Variants in CDH4 observed in about 807,000 individuals in gnomAD.
The protein encoded by CDH4 is cadherin-4.
A neutral mutation model predicts 86.0 loss-of-function variants in CDH4; 33 were observed. That is an observed-to-expected ratio of 0.38 (90% confidence interval 0.29 to 0.51). The LOEUF (loss-of-function observed/expected upper bound fraction) is 0.51, where lower values mean the gene tolerates loss of function less well. Among genes scored for constraint, CDH4 ranks in the 20% least tolerant of loss-of-function variants. The pLI is 0.86. For missense variants in CDH4, 1,114 were observed against 1,307.4 expected, an observed-to-expected ratio of 0.85 and a Z score of 2.28; for synonymous variants, 555 against 549.4, an observed-to-expected ratio of 1.01 and a Z score of -0.14.
At chr20:61,883,735 G>A (rs960178585) in intron 7 of CDH4, among the ~76,000 whole-genome samples, 1 of 152,178 alleles carries the variant, frequency 6.6e-6, no homozygotes, top group Non-Finnish European at 1.5e-5. Flanking sequence ...GCCCCAGGGA[G>A]GAGCCCCCAG....
chr20:61,256,022 G>C (rs182069737), intron 2 of CDH4, among the ~76,000 whole-genome samples: 1 of 152,104 alleles, frequency 6.6e-6, no homozygotes, highest in Admixed American at 6.5e-5. Flanking sequence ...CTAGGCAGTC[G>C]GCCTAGGAGC....
chr20:61,529,062 T>A (rs1430936156), intron 2 of CDH4, among the ~76,000 whole-genome samples: 2 of 152,202 alleles, frequency 1.3e-5, no homozygotes, highest in Non-Finnish European at 1.5e-5. Flanking sequence ...ATCACAGAGA[T>A]TTTGGGTTTC....
chr20:61,272,719 G>A (rs2084189670), intron 2 of CDH4, among the ~76,000 whole-genome samples: 1 of 151,708 alleles, frequency 6.6e-6, no homozygotes, highest in African/African-American at 2.4e-5. Context: ...ACTGTGTGCA[G>A]TTGTTTGGGG....
intron 8 of CDH4, among the ~76,000 whole-genome samples, chr20:61,907,095 A>G (rs527980088): frequency 6.6e-6 from 1 of 151,342 alleles, no homozygotes; most frequent in South Asian, 2.1e-4. Flanking sequence ...GAGATGGTCC[A>G]AGCAGGGAGT....
chr20:61,766,328 C>A (rs1463021145), intron 3 of CDH4, among the ~76,000 whole-genome samples: 1 of 152,112 alleles, frequency 6.6e-6, no homozygotes, highest in East Asian at 1.9e-4. Flanking sequence ...CGCCTGCCCC[C>A]CAGCCCTAGC....
intron 2 of CDH4, among the ~76,000 whole-genome samples, chr20:61,270,978 C>G (rs2084180278): frequency 6.6e-6 from 1 of 152,186 alleles, no homozygotes; most frequent in South Asian, 2.1e-4. Flanking sequence ...CGCCCTGACA[C>G]ACTTGGACCC....
At chr20:61,756,891 C>T (rs966845246) in intron 3 of CDH4, among the ~76,000 whole-genome samples, 60 of 152,116 alleles carry the variant, frequency 3.9e-4, no homozygotes, top group African/African-American at 1.3e-3. Flanking sequence ...TAGAAGGTCC[C>T]GAGGTGGGGG....
chr20:61,914,063 G>A (rs734061), intron 9 of CDH4, among the ~76,000 whole-genome samples: 128,789 of 151,768 alleles, frequency 0.85, 55,629 homozygotes, highest in Non-Finnish European at 0.95. Flanking sequence ...AGCCACGTTC[G>A]TAGCTAAAAT....
chr20:61,803,765 G>A (rs1034494417), intron 4 of CDH4, among the ~76,000 whole-genome samples: 4 of 152,260 alleles, frequency 2.6e-5, no homozygotes, highest in Non-Finnish European at 5.9e-5. Context: ...TTTATAAACT[G>A]TCAGTGAAAG....
At position 61,392,723 on chromosome 20, in the gene CDH4, G is replaced by A. The variant is rs2084993237; in HGVS notation, c.169+137786G>A. 6.6e-6 allele frequency among the ~76,000 whole-genome samples: 1 copy of A among 152,172 alleles called. No homozygotes were observed. Among genetic ancestry groups the A allele is most frequent in the East Asian group, 1.9e-4 (1 of 5,186 alleles). ...GACATTTTCCCGTGCTGTTAAATTTGAACCTTGGACTGTTTCTCACAGTAT... is the reference window on the plus strand; with the variant it reads ...GACATTTTCCCGTGCTGTTAAATTTAAACCTTGGACTGTTTCTCACAGTAT... On this transcript the variant is annotated intron_variant, in intron 2 of 15. Coordinates refer to ENST00000614565, the MANE Select transcript of CDH4 (RefSeq NM_001794.5). This position sits in a 1 kb window ranked among gnomAD's most constrained non-coding sequence, Gnocchi z 5.7.
In CDH4 at chr20:61,309,984, C is replaced by G. The variant is rs200295058; in HGVS notation, c.169+55047C>G. ...TCCATTGCTCTCTCTGCTCCCCTGT[C>G]CCCTGCAAGATGAATTTGTTTGCAG... On this transcript the variant is annotated intron_variant, in intron 2 of 15. Coordinates refer to ENST00000614565, the MANE Select transcript of CDH4 (RefSeq NM_001794.5). Among the ~76,000 whole-genome samples, 7 of 152,312 alleles carry G rather than the reference C, an allele frequency of 4.6e-5. No homozygotes were observed. The East Asian group carries it at 1.4e-3, about 29-fold the overall frequency.
chr20:61,924,080 TG>T (rs966151174), intron 10 of CDH4, among the ~76,000 whole-genome samples: 8 of 152,120 alleles, frequency 5.3e-5, no homozygotes, highest in Non-Finnish European at 8.8e-5. Flanking sequence ...CCTTGTGAGT[TG>T]AGACCACCCA....
chr20:61,289,634 A>G (rs1251798781), intron 2 of CDH4, among the ~76,000 whole-genome samples: 1 of 152,218 alleles, frequency 6.6e-6, no homozygotes, highest in Non-Finnish European at 1.5e-5. Context: ...GATGTCATGG[A>G]AAACAGCATA....
At chr20:61,522,924 C>T (rs2085882976) in intron 2 of CDH4, among the ~76,000 whole-genome samples, 1 of 152,248 alleles carries the variant, frequency 6.6e-6, no homozygotes, top group Non-Finnish European at 1.5e-5. Context: ...AGGGAAAGCA[C>T]ACAAAGCTGC....
chr20:61,328,493 A>G (rs1423332016), intron 2 of CDH4, among the ~76,000 whole-genome samples: 2 of 152,212 alleles, frequency 1.3e-5, no homozygotes, highest in East Asian at 3.9e-4. Context: ...CTGTTTTTAA[A>G]AATAGTTTTG....
intron 2 of CDH4, among the ~76,000 whole-genome samples, chr20:61,551,099 T>G (rs981227570): frequency 6.6e-6 from 1 of 152,198 alleles, no homozygotes; most frequent in African/African-American, 2.4e-5. Flanking sequence ...TCCCTTCTCC[T>G]CGGGATCGAT....
At chr20:61,930,818 G>C (rs872834) in intron 13 of CDH4, among the ~76,000 whole-genome samples, 7,587 of 152,304 alleles carry the variant, frequency 0.05, 446 homozygotes, top group African/African-American at 0.13. Context: ...AGGTTGGGAG[G>C]TGTCTCTGTA....
At position 61,873,179 on chromosome 20, in the gene CDH4, C is replaced by T. The variant is rs375302047; in HGVS notation, c.878-549C>T. On this transcript the variant is annotated intron_variant, in intron 6 of 15. Transcript: ENST00000614565. The stretch of plus-strand genomic sequence containing the variant: ...GCGCCCCCAGATGTGCTCCATCTGA[C>T]GGAGTCCTATAGGCACAGCCTCCCT... Among the ~76,000 whole-genome samples, 12 of 152,204 alleles carry T rather than the reference C, an allele frequency of 7.9e-5. No homozygotes were observed. In the East Asian group the frequency reaches 1.5e-3, roughly 20 times the overall value.
At chr20:61,922,551 A>G (rs1306331151) in intron 9 of CDH4, among the ~76,000 whole-genome samples, 1 of 152,226 alleles carries the variant, frequency 6.6e-6, no homozygotes, top group Non-Finnish European at 1.5e-5. Context: ...TTACAACAAT[A>G]GAACTGTCTT....
Sources: gnomAD v4.1 joint callset for allele counts (sites outside exome capture counted in the v4.1 genomes callset) on GRCh38, gnomAD v4.1.1 for gene constraint, Gnocchi (gnomAD v3.1) non-coding constraint, MANE v1.5 for transcripts, NCBI Gene and HGNC (gene_info 2026-07-23, HGNC 2026-07-21) for gene names.